PRPF40B: variants seen among roughly 807,000 people sequenced by gnomAD.
PRPF40B encodes pre-mRNA processing factor 40B, also known as pre-mRNA-processing factor 40 homolog B.
In PRPF40B, 56 loss-of-function variants were observed where a neutral mutation model predicts 124.5. The ratio of observed to expected loss-of-function variants is 0.45; its 90% CI spans 0.36 to 0.56. The LOEUF (loss-of-function observed/expected upper bound fraction) is 0.56, where lower values mean the gene tolerates loss of function less well. Among genes scored for constraint, PRPF40B ranks in the 20% least tolerant of loss-of-function variants. The probability of loss-of-function intolerance (pLI) is 0.00; values close to 1 mark genes in which losing one functional copy is unlikely to be tolerated. For missense variants in PRPF40B, 1,053 were observed against 1,169.5 expected (o/e 0.90, Z 1.45); for synonymous variants, 443 against 426.4 (o/e 1.04, Z -0.48).
intron 1 of PRPF40B, among the ~76,000 whole-genome samples, chr12:49,625,649 C>T (rs1393158808): frequency 6.6e-6 from 1 of 152,002 alleles, no homozygotes; most frequent in African/African-American, 2.4e-5. Flanking sequence ...CCTCACTGGC[C>T]CAGGTGAACA....
At chr12:49,637,871 A>T in intron 18 of PRPF40B, 47 bp downstream of exon 18, 4 of 1,453,878 alleles carry the variant, frequency 2.8e-6, no homozygotes, top group Non-Finnish European at 3.9e-6. Context: ...GATGCAGGGC[A>T]CACTCCCTGC....
At chr12:49,630,162 A>T (rs1329479021) in intron 1 of PRPF40B, among the ~76,000 whole-genome samples, 1 of 152,258 alleles carries the variant, frequency 6.6e-6, no homozygotes, top group African/African-American at 2.4e-5. Flanking sequence ...TGGGAATAAA[A>T]GAGACCTCTA....
At position 49,635,331 on chromosome 12, in the gene PRPF40B, C is replaced by T. The variant is rs201057200; in HGVS notation, c.1167-34C>T. 6.2e-7 allele frequency: 1 copy of T among 1,609,426 alleles called. No homozygotes were observed. Among genetic ancestry groups the T allele is most frequent in the African/African-American group, 1.3e-5 (1 of 74,824 alleles). ...CACAAAGGTCCAGGGTCTCTGTTCT[C>T]TGTCTACCTACTCACAGCTTATATG... On this transcript the variant is annotated intron_variant, in intron 13 of 25. Transcript: ENST00000548825. This position sits in a 1 kb window ranked among gnomAD's most constrained non-coding sequence, Gnocchi z 4.1.
chr12:49,624,631 C>T (rs1940535181), intron 1 of PRPF40B, among the ~76,000 whole-genome samples: 1 of 152,184 alleles, frequency 6.6e-6, no homozygotes, highest in African/African-American at 2.4e-5. Context: ...GGGCGAATCA[C>T]CTGAGGTCAG....
chr12:49,623,603 C>G lies in PRPF40B; in HGVS notation c.3+10C>G. ...CGGAGGCTCTGGCATGGTAACATCCCCGCGCGGGGGTGGAGGGGCTCGGGG... is the reference window on the plus strand; with the variant it reads ...CGGAGGCTCTGGCATGGTAACATCCGCGCGCGGGGGTGGAGGGGCTCGGGG... On this transcript the variant is annotated intron_variant, in intron 1 of 25. Transcript: ENST00000548825. 8.1e-7 allele frequency: 1 copy of G among 1,233,774 alleles called. No individual in the cohort carries two copies. The highest frequency in any genetic ancestry group is 1.0e-6 in the Non-Finnish European group (1 of 988,718). The allele number at this position is 1,233,774 out of a possible 1,614,324, so 76.4% of individuals were successfully genotyped here.
intron 18 of PRPF40B, chr12:49,640,224 C>T (rs1175056740): frequency 2.0e-5 from 3 of 152,196 alleles, no homozygotes; most frequent in Admixed American, 6.5e-5. Context: ...CAGGGAGATC[C>T]ATGGAGGATG....
rs747664026 is a variant in PRPF40B, at chr12:49,637,724, T to C, written c.1676-9T>C. 1 of 648,450 alleles carries C rather than the reference T, an allele frequency of 1.5e-6. No individual in the cohort carries two copies. 40.2% of individuals were successfully genotyped at this position (648,450 alleles called of 1,614,324 possible). On this transcript the variant is annotated splice_polypyrimidine_tract_variant and intron_variant, in intron 17 of 25. Transcript: ENST00000548825. The stretch of plus-strand genomic sequence containing the variant: ...CGCCCGCCAGGCCCCCCTCCCTCCC[T>C]CCTTACAGGCTCCACCCCTCTGGAC...
Position 49,634,335 on chromosome 12 carries a change from T to C in PRPF40B, c.816T>C (p.Ser272=), listed in dbSNP as rs1252810894. Residue 272 remains serine, a synonymous_variant, in exon 11 of 26, where the codon TCT becomes TCC. Transcript: ENST00000548825. ...CTGAGTCCCCTGTGCCCTCCAGTTC[T>C]GGACAGCATCAGCCACAGCAGGAGG... is the stretch of plus-strand genomic sequence containing the variant. ...LQQLEEGPSS[S]GQHQPQQEEE... is the part of the protein sequence containing the mutation. 6.2e-7 allele frequency: 1 copy of C among 1,614,170 alleles called. No homozygotes were observed. Among genetic ancestry groups the C allele is most frequent in the African/African-American group, 1.3e-5 (1 of 75,038 alleles).
intron 15 of PRPF40B, 82 bp downstream of exon 15, chr12:49,636,075 C>T: frequency 1.9e-6 from 3 of 1,549,492 alleles, no homozygotes; most frequent in Non-Finnish European, 2.6e-6. Context: ...TCACCCCACT[C>T]CCCTGTACCT....
At chr12:49,623,498 G>C, upstream of PRPF40B, 1 of 1,220,512 alleles carries the variant, frequency 8.2e-7, no homozygotes, top group Non-Finnish European at 1.0e-6. Context: ...GCGACCCCCC[G>C]CCGGCCCCGC....
chr12:49,641,258 T>C (rs1453786155), intron 18 of PRPF40B: 1 of 152,282 alleles, frequency 6.6e-6, no homozygotes, highest in African/African-American at 2.4e-5. Context: ...CCTCCGTTTC[T>C]CCCATGGACT....
rs960778893 is a variant in PRPF40B at position 49,635,526 on chromosome 12, G to A, written c.1275+53G>A. 6.5e-7 allele frequency: 1 copy of A among 1,531,918 alleles called. No individual in the cohort carries two copies. The highest frequency in any genetic ancestry group is 8.9e-7 in the Non-Finnish European group (1 of 1,125,292). The allele number at this position is 1,531,918 out of a possible 1,614,324, so 94.9% of individuals were successfully genotyped here. The stretch of plus-strand genomic sequence containing the variant: ...GCCCATCTCATCCTGGACTTTCCTT[G>A]TCTTTGCTTTGTTATGGACCCTCGC... On this transcript the variant is annotated intron_variant, in intron 14 of 25. Coordinates refer to ENST00000548825, the MANE Select transcript of PRPF40B (RefSeq NM_001031698.3). The surrounding 1 kb of genome is among the most constrained non-coding windows in gnomAD (Gnocchi z 4.1).
In PRPF40B at chr12:49,644,549, A is replaced by G. The variant is rs1349868232; in HGVS notation, c.*357A>G. 6.8e-6 allele frequency: 2 copies of G among 293,826 alleles called. No homozygotes were observed. The highest frequency in any genetic ancestry group is 6.7e-6 in the Non-Finnish European group (1 of 149,906). 18.2% of individuals were successfully genotyped at this position (293,826 alleles called of 1,614,324 possible). On this transcript the variant is annotated 3_prime_UTR_variant, in exon 26 of 26. Transcript: ENST00000548825. ...GAGGGCAGGGTCATCACCCTCTAGC[A>G]TCAGTGCCTGCTCCTGCCTGCCCTG... is the stretch of plus-strand genomic sequence containing the variant.
upstream of PRPF40B, among the ~76,000 whole-genome samples, chr12:49,623,005 G>C (rs1462694405): frequency 1.3e-5 from 2 of 151,844 alleles, no homozygotes; most frequent in Non-Finnish European, 2.9e-5. Flanking sequence ...TCAGGGTCAC[G>C]CGAGAAGCAC....
At chr12:49,640,248 T>C (rs564145750) in intron 18 of PRPF40B, 3 of 152,372 alleles carry the variant, frequency 2.0e-5, no homozygotes, top group East Asian at 1.9e-4. Context: ...ATGAGAAATA[T>C]ATTCTCTTGA....
At position 49,644,004 on chromosome 12, in the gene PRPF40B, G is replaced by A. The variant is rs1406439203; in HGVS notation, c.2586G>A (p.Lys862=). 1 of 1,614,170 alleles carries A rather than the reference G, an allele frequency of 6.2e-7. No homozygotes were observed. Among genetic ancestry groups the A allele is most frequent in the East Asian group, 2.2e-5 (1 of 44,884 alleles). ...CAGGCTTTGGAATCAAGAAGGAGAAGGTGAGGGGCAGGGGCCCTAGGCCAG... is the reference window on the plus strand; with the variant it reads ...CAGGCTTTGGAATCAAGAAGGAGAAAGTGAGGGGCAGGGGCCCTAGGCCAG... ...RSPGFGIKKE[K]TGWDTSESEL... The change falls in exon 25 of 26, where the codon AAG becomes AAA. Residue 862 remains lysine, a splice_region_variant and synonymous_variant. Transcript: ENST00000548825.
At position 49,634,234 on chromosome 12, in the gene PRPF40B, T is replaced by G. The variant is rs1941519625; in HGVS notation, c.813-98T>G. 30 of 1,597,870 alleles carry G rather than the reference T, an allele frequency of 1.9e-5. No homozygotes were observed. The South Asian group carries it at 3.3e-4, about 17-fold the overall frequency. On this transcript the variant is annotated intron_variant, in intron 10 of 25. Transcript: ENST00000548825. ...TCTGAAGGGCAGAAAAAGGCTGCCCTGGGGAACAAGGAGGGGGTGATATGT... is the reference window on the plus strand; with the variant it reads ...TCTGAAGGGCAGAAAAAGGCTGCCCGGGGGAACAAGGAGGGGGTGATATGT...
rs147442665 is a variant in PRPF40B, at chr12:49,634,411, C to T, written c.892C>T (p.Arg298Trp). 1.5e-5 allele frequency: 24 copies of T among 1,614,010 alleles called. No homozygotes were observed. Among genetic ancestry groups the T allele is most frequent in the Middle Eastern group, 1.6e-4 (1 of 6,084 alleles). Residue 298 changes from arginine to tryptophan, a missense_variant, in exon 11 of 26, where the codon CGG becomes TGG. Transcript: ENST00000548825. Reference protein sequence around the residue: ...PERSGLSWSNREKAKQAFKEL... With the variant: ...PERSGLSWSNWEKAKQAFKEL... ...GAGGTCTGGCCTCAGTTGGAGCAAC[C>T]GGGAGAAGGCAAAGCAGGCATTCAA... is the stretch of plus-strand genomic sequence containing the variant.
chr12:49,644,310 C>T lies in PRPF40B; in HGVS notation c.*118C>T. ...CTGTGTCCACTTTTTCTAAAGTAAC[C>T]CCACCCCCAGCACACCATTGTTGGC... On this transcript the variant is annotated 3_prime_UTR_variant, in exon 26 of 26. Coordinates refer to ENST00000548825, the MANE Select transcript of PRPF40B (RefSeq NM_001031698.3). The T allele has an allele frequency of 1.7e-6, 2 of 1,150,614 alleles. No individual in the cohort carries two copies. The highest frequency in any genetic ancestry group is 2.5e-6 in the Non-Finnish European group (2 of 790,250). The allele number at this position is 1,150,614 out of a possible 1,614,324, so 71.3% of individuals were successfully genotyped here.
Sources: allele counts gnomAD v4.1 joint callset (sites outside exome capture counted in the v4.1 genomes callset), GRCh38; gene constraint gnomAD v4.1.1; non-coding constraint Gnocchi (gnomAD v3.1); transcripts MANE v1.5; gene names NCBI Gene and HGNC (gene_info 2026-07-23, HGNC 2026-07-21).